LYPLAL1: variants seen among roughly 807,000 people sequenced by gnomAD.
LYPLAL1 encodes lysophospholipase-like protein 1.
In LYPLAL1, 23 loss-of-function variants were observed where a neutral mutation model predicts 19.7. The observed-to-expected ratio is 1.17, with a 90% CI of 0.84 to 1.65. LYPLAL1 has a LOEUF of 1.65. Ranked by LOEUF, LYPLAL1 falls within the 40% of genes most tolerant of loss-of-function variation. LYPLAL1 has a pLI of 0.00. For missense variants in LYPLAL1, 355 were observed against 279.4 expected (o/e 1.27, Z -1.93); for synonymous variants, 119 against 96.3 (o/e 1.24, Z -1.38).
chr1:219,200,383 GA>G, intron 3 of LYPLAL1: 1 of 198,368 alleles, frequency 5.0e-6, no homozygotes. Flanking sequence ...ACCAACTCTT[GA>G]AATGCCCACC....
the LYPLAL1 span, among the ~76,000 whole-genome samples, chr1:219,317,671 T>C: frequency 6.6e-6 from 1 of 152,138 alleles, no homozygotes; most frequent in African/African-American, 2.4e-5. Context: ...CTTTTAGTGG[T>C]ATGAATTCTT....
At chr1:219,358,966 A>T in the LYPLAL1 span, among the ~76,000 whole-genome samples, 1 of 152,258 alleles carries the variant, frequency 6.6e-6, no homozygotes, top group African/African-American at 2.4e-5. Context: ...TAGTTGCAAG[A>T]TGAGGATTTT....
At chr1:219,329,019 AG>A in the LYPLAL1 span, among the ~76,000 whole-genome samples, 3 of 152,088 alleles carry the variant, frequency 2.0e-5, no homozygotes, top group African/African-American at 7.2e-5. Flanking sequence ...GGAGCAAAGC[AG>A]AAGTTATTTG....
chr1:219,354,488 G>C, the LYPLAL1 span, among the ~76,000 whole-genome samples: 2 of 152,164 alleles, frequency 1.3e-5, no homozygotes, highest in Non-Finnish European at 2.9e-5. Flanking sequence ...GAGCCACCAT[G>C]CCTGGTCAAA....
intron 3 of LYPLAL1, among the ~76,000 whole-genome samples, chr1:219,195,929 G>A (rs968681849): frequency 9.2e-5 from 14 of 152,050 alleles, no homozygotes; most frequent in African/African-American, 3.4e-4. Flanking sequence ...AACATGCAGT[G>A]TTTGGTTTTC....
chr1:219,385,286 T>C, the LYPLAL1 span, among the ~76,000 whole-genome samples: 1 of 152,126 alleles, frequency 6.6e-6, no homozygotes, highest in African/African-American at 2.4e-5. Context: ...AGTTCTGAGA[T>C]AGAGTGGAAG....
chr1:219,293,136 G>C, the LYPLAL1 span, among the ~76,000 whole-genome samples: 1 of 152,090 alleles, frequency 6.6e-6, no homozygotes, highest in Non-Finnish European at 1.5e-5. Context: ...ATCTGGGATG[G>C]GATAGCTTGC....
chr1:219,251,582 G>T, the LYPLAL1 span, among the ~76,000 whole-genome samples: 1 of 151,988 alleles, frequency 6.6e-6, no homozygotes, highest in Non-Finnish European at 1.5e-5. Context: ...AAGATCAGAT[G>T]GTTGTAAATG....
At chr1:219,203,728 T>C (rs1572202791) in intron 3 of LYPLAL1, among the ~76,000 whole-genome samples, 1 of 152,294 alleles carries the variant, frequency 6.6e-6, no homozygotes, top group African/African-American at 2.4e-5. Flanking sequence ...TTGAATTATA[T>C]ACAGGGAGTG....
At chr1:219,328,617 C>T in the LYPLAL1 span, among the ~76,000 whole-genome samples, 859 of 152,206 alleles carry the variant, frequency 5.6e-3, 22 homozygotes, top group East Asian at 0.045. Flanking sequence ...CATATACACA[C>T]GCTCACAAAT....
the LYPLAL1 span, among the ~76,000 whole-genome samples, chr1:219,268,281 A>G: frequency 6.6e-6 from 1 of 152,178 alleles, no homozygotes; most frequent in Non-Finnish European, 1.5e-5. Flanking sequence ...AATGTATTAA[A>G]TAAGGCGGTC....
At chr1:219,360,581 T>C in the LYPLAL1 span, among the ~76,000 whole-genome samples, 1 of 152,052 alleles carries the variant, frequency 6.6e-6, no homozygotes, top group Admixed American at 6.6e-5. Flanking sequence ...ATTTGTAGAG[T>C]AAATGAAAGG....
chr1:219,195,659 C>T (rs1657541197), intron 3 of LYPLAL1, among the ~76,000 whole-genome samples: 1 of 151,852 alleles, frequency 6.6e-6, no homozygotes, highest in Admixed American at 6.6e-5. Context: ...TTAAAGAATC[C>T]TAGTACAACA....
chr1:219,206,344 A>G (rs1304585786), intron 3 of LYPLAL1, among the ~76,000 whole-genome samples: 2 of 152,004 alleles, frequency 1.3e-5, no homozygotes, highest in African/African-American at 2.4e-5. Flanking sequence ...TGGATTTACT[A>G]TTTTCGTATT....
chr1:219,274,264 G>A, the LYPLAL1 span, among the ~76,000 whole-genome samples: 2 of 152,182 alleles, frequency 1.3e-5, no homozygotes, highest in African/African-American at 4.8e-5. Context: ...TGATGTAGGG[G>A]CCCAACAGCC....
the LYPLAL1 span, among the ~76,000 whole-genome samples, chr1:219,394,555 G>A: frequency 1.3e-5 from 2 of 152,136 alleles, no homozygotes; most frequent in Non-Finnish European, 2.9e-5. Context: ...ATTACACTGG[G>A]TACCACATAC....
At chr1:219,428,324 A>C in the LYPLAL1 span, among the ~76,000 whole-genome samples, 1 of 152,240 alleles carries the variant, frequency 6.6e-6, no homozygotes, top group Non-Finnish European at 1.5e-5. Context: ...GAGTTTTGCC[A>C]GGGAAACATG....
the LYPLAL1 span, chr1:219,222,242 T>C: frequency 9.2e-5 from 14 of 152,254 alleles, no homozygotes; most frequent in African/African-American, 3.4e-4. Context: ...GCAAACCACA[T>C]TTCAATTTTG....
At chr1:219,390,067 T>C in the LYPLAL1 span, among the ~76,000 whole-genome samples, 1 of 152,182 alleles carries the variant, frequency 6.6e-6, no homozygotes. Context: ...TCTTGTTCTA[T>C]GTGTCACAAA....
Sources: allele counts gnomAD v4.1 joint callset (sites outside exome capture counted in the v4.1 genomes callset), GRCh38; gene constraint gnomAD v4.1.1; transcripts MANE v1.5; gene names NCBI Gene and HGNC (gene_info 2026-07-23, HGNC 2026-07-21).